Variants in ZNF385D observed in about 807,000 individuals in gnomAD.
ZNF385D encodes the protein zinc finger protein 385D.
A neutral mutation model predicts 35.8 loss-of-function variants in ZNF385D; 15 were observed. The ratio of observed to expected loss-of-function variants is 0.42; its 90% CI spans 0.28 to 0.64. ZNF385D has a LOEUF of 0.64. Ranked by LOEUF, ZNF385D falls within the 30% of genes least tolerant of loss-of-function variation. The pLI, the probability that ZNF385D is intolerant of heterozygous loss-of-function variation, is 0.23. For synonymous variants in ZNF385D, 212 were observed against 186.8 expected (o/e 1.13, Z -1.10); for missense variants, 474 against 494.6 (o/e 0.96, Z 0.39).
At chr3:22,247,979 G>T (rs146887716) in intron 2 of ZNF385D, among the ~76,000 whole-genome samples, 1 of 152,068 alleles carries the variant, frequency 6.6e-6, no homozygotes, top group Non-Finnish European at 1.5e-5. Flanking sequence ...CAAGAATTTT[G>T]CTGTGAACTT....
intron 3 of ZNF385D, among the ~76,000 whole-genome samples, chr3:21,763,687 G>A (rs1190737474): frequency 6.6e-6 from 1 of 152,018 alleles, no homozygotes; most frequent in East Asian, 1.9e-4. Context: ...CATACTCTCT[G>A]GAGGAAAAAA....
intron 3 of ZNF385D, among the ~76,000 whole-genome samples, chr3:21,826,479 T>TAG (rs1285736793): frequency 7.2e-5 from 11 of 152,148 alleles, no homozygotes; most frequent in African/African-American, 2.7e-4. Flanking sequence ...GATAGAGTTG[T>TAG]TGATGTCTAA....
rs75311328 is a variant in ZNF385D, at chr3:22,243,483, C to T, written c.107-74448G>A. On this transcript the variant is annotated intron_variant, in intron 2 of 5. Coordinates refer to the ZNF385D transcript ENST00000494108. The stretch of plus-strand genomic sequence containing the variant: ...AAAATGTAATTATACCCTATAGCAA[C>T]GAGAAGCTACTAAAGATTTCTGAGC... Among the ~76,000 whole-genome samples the T allele has an allele frequency of 2.1e-4, 31 of 150,926 alleles. 1 individual carries two copies. The highest frequency in any genetic ancestry group is 1.5e-3 in the Admixed American group (22 of 15,136).
At chr3:22,121,206 C>G (rs1703072726) in intron 3 of ZNF385D, among the ~76,000 whole-genome samples, 1 of 152,148 alleles carries the variant, frequency 6.6e-6, no homozygotes, top group Non-Finnish European at 1.5e-5. Flanking sequence ...TAAACACTCA[C>G]TGTCTTAGCG....
At chr3:21,641,429 TTTATTATTA>T (rs902773128) in intron 2 of ZNF385D, among the ~76,000 whole-genome samples, 85 of 151,750 alleles carry the variant, frequency 5.6e-4, no homozygotes, top group African/African-American at 2.0e-3. Flanking sequence ...AAAATTATTA[TTTATTATTA>T]TTATTGTCTC....
chr3:21,588,320 CTT>C (rs2063872316), intron 2 of ZNF385D, among the ~76,000 whole-genome samples: 2 of 152,100 alleles, frequency 1.3e-5, no homozygotes, highest in African/African-American at 4.8e-5. Flanking sequence ...ACTTTTAAGA[CTT>C]TCATCTCATA....
intron 2 of ZNF385D, among the ~76,000 whole-genome samples, chr3:22,234,597 GGT>G (rs1699075203): frequency 1.3e-5 from 2 of 151,782 alleles, no homozygotes; most frequent in Non-Finnish European, 2.9e-5. Flanking sequence ...TGACACAGCA[GGT>G]GTGTGTCAAC....
chr3:21,529,302 G>A (rs1167594495), intron 3 of ZNF385D, among the ~76,000 whole-genome samples: 12 of 151,986 alleles, frequency 7.9e-5, no homozygotes, highest in Admixed American at 5.9e-4. Flanking sequence ...GACTTTGACC[G>A]AATAAATAAA....
intron 1 of ZNF385D, among the ~76,000 whole-genome samples, chr3:21,749,066 C>T (rs2069926008): frequency 6.6e-6 from 1 of 152,130 alleles, no homozygotes; most frequent in Non-Finnish European, 1.5e-5. Context: ...ATTTCTTATA[C>T]CAAAATTATG....
intron 3 of ZNF385D, among the ~76,000 whole-genome samples, chr3:21,940,081 C>T (rs1476747480): frequency 6.6e-6 from 1 of 151,990 alleles, no homozygotes; most frequent in African/African-American, 2.4e-5. Context: ...TTATTTCTTC[C>T]CTGGGTCTTT....
At chr3:21,615,502 A>G (rs151076904) in intron 2 of ZNF385D, among the ~76,000 whole-genome samples, 3 of 152,286 alleles carry the variant, frequency 2.0e-5, no homozygotes, top group South Asian at 2.1e-4. Flanking sequence ...AGTATGCTCC[A>G]TATCAAAATG....
intron 3 of ZNF385D, among the ~76,000 whole-genome samples, chr3:21,887,727 G>A (rs1460957247): frequency 1.3e-5 from 2 of 152,040 alleles, no homozygotes; most frequent in Admixed American, 1.3e-4. Context: ...ACAACAAAGT[G>A]TCTAAGACTT....
At chr3:22,123,429 C>G (rs185046994) in intron 3 of ZNF385D, among the ~76,000 whole-genome samples, 1 of 152,110 alleles carries the variant, frequency 6.6e-6, no homozygotes, top group African/African-American at 2.4e-5. Context: ...TATTTTGATA[C>G]AAGCATAAAA....
intron 3 of ZNF385D, among the ~76,000 whole-genome samples, chr3:22,110,358 A>T (rs1702449719): frequency 6.6e-6 from 1 of 152,052 alleles, no homozygotes; most frequent in Non-Finnish European, 1.5e-5. Context: ...TTGCGGCACT[A>T]TTCACAATAG....
intron 3 of ZNF385D, among the ~76,000 whole-genome samples, chr3:21,963,843 G>A (rs1702732738): frequency 6.6e-6 from 1 of 151,870 alleles, no homozygotes; most frequent in Non-Finnish European, 1.5e-5. Flanking sequence ...TAATGGCCCT[G>A]GTGATGACAC....
chr3:22,265,174 G>A (rs1017551657), intron 2 of ZNF385D, among the ~76,000 whole-genome samples: 4 of 151,920 alleles, frequency 2.6e-5, no homozygotes, highest in African/African-American at 9.7e-5. Context: ...GCAAATTGTG[G>A]TAAATGCATC....
At chr3:22,153,532 C>T (rs1014315065) in intron 3 of ZNF385D, among the ~76,000 whole-genome samples, 5 of 147,794 alleles carry the variant, frequency 3.4e-5, no homozygotes, top group African/African-American at 1.0e-4. Context: ...GGCACGGTCT[C>T]GGATCACTGC....
At chr3:21,669,575 T>C (rs765319228) in intron 1 of ZNF385D, among the ~76,000 whole-genome samples, 23 of 152,226 alleles carry the variant, frequency 1.5e-4, no homozygotes, top group Non-Finnish European at 3.1e-4. Context: ...AATTAATATG[T>C]AAATTTAGAC....
At chr3:21,500,379 A>C (rs1706273034) in intron 4 of ZNF385D, among the ~76,000 whole-genome samples, 1 of 152,174 alleles carries the variant, frequency 6.6e-6, no homozygotes, top group South Asian at 2.1e-4. Flanking sequence ...TATGAAATTA[A>C]GGTGTATCCT....
Sources: gnomAD v4.1 joint callset for allele counts (sites outside exome capture counted in the v4.1 genomes callset) on GRCh38, gnomAD v4.1.1 for gene constraint, MANE v1.5 for transcripts, NCBI Gene and HGNC (gene_info 2026-07-23, HGNC 2026-07-21) for gene names.